The following DACH2 variants were observed in gnomAD, a reference collection of about 807,000 sequenced individuals.
DACH2 encodes the protein dachshund family transcription factor 2.
Under a neutral mutation model 35.8 loss-of-function variants are expected in DACH2, and 17 were observed. The observed-to-expected ratio is 0.48, with a 90% CI of 0.33 to 0.71. The LOEUF (loss-of-function observed/expected upper bound fraction) is 0.71. Ranked by LOEUF, DACH2 falls within the 30% of genes least tolerant of loss-of-function variation. DACH2 has a pLI of 0.02. For synonymous variants in DACH2, 195 were observed against 177.3 expected (o/e 1.10, Z -0.79); for missense variants, 469 against 472.7 (o/e 0.99, Z 0.07).
chrX:86,386,215 A>G (rs2036120063), intron 2 of DACH2, among the ~76,000 whole-genome samples: 1 of 111,294 alleles, frequency 9.0e-6, no homozygotes, highest in African/African-American at 3.3e-5. Flanking sequence ...GTGGTCAGGT[A>G]TTTGTAGGAT....
chrX:86,517,267 T>C (rs982786111), intron 3 of DACH2, among the ~76,000 whole-genome samples: 10 of 111,846 alleles, frequency 8.9e-5, no homozygotes, highest in African/African-American at 3.3e-4. Flanking sequence ...TGGTATTTCA[T>C]TGTGGTTTTG....
chrX:86,335,706 T>C (rs925438727), intron 1 of DACH2, among the ~76,000 whole-genome samples: 1 of 111,947 alleles, frequency 8.9e-6, no homozygotes. Flanking sequence ...AGAGACAATT[T>C]GACTTCCTCT....
chrX:86,814,687 G>A lies in DACH2; in HGVS notation c.1538-1G>A, dbSNP rs1259640542. On this transcript the variant is annotated splice_acceptor_variant, in intron 9 of 11. Coordinates refer to ENST00000373125, the MANE Select transcript of DACH2 (RefSeq NM_053281.3). LOFTEE classifies it high-confidence loss of function. The stretch of plus-strand genomic sequence containing the variant: ...TTTGCAAACTACCTTTTACATTTCA[G>A]CTACTATGCAAAAGCGCCTGAAGAA... 1.7e-6 allele frequency: 2 copies of A among 1,209,706 alleles called. No individual in the cohort carries two copies. Among genetic ancestry groups the A allele is most frequent in the Non-Finnish European group, 2.2e-6 (2 of 894,540 alleles).
intron 2 of DACH2, among the ~76,000 whole-genome samples, chrX:86,482,680 A>G (rs1018524417): frequency 2.8e-5 from 3 of 106,890 alleles, no homozygotes; most frequent in Admixed American, 2.0e-4. Context: ...CTATTTCTCC[A>G]CATGCTCTCC....
intron 1 of DACH2, among the ~76,000 whole-genome samples, chrX:86,292,862 G>A (rs1389529700): frequency 9.3e-6 from 1 of 107,789 alleles, no homozygotes; most frequent in Admixed American, 1.0e-4. Context: ...GGTCAATTTT[G>A]GAATAGGTGT....
intron 2 of DACH2, among the ~76,000 whole-genome samples, chrX:86,430,236 G>A (rs2036963904): frequency 8.9e-6 from 1 of 111,952 alleles, no homozygotes. Context: ...AACATGATAG[G>A]CACTAGGTGC....
intron 1 of DACH2, among the ~76,000 whole-genome samples, chrX:86,362,780 A>G (rs1261296891): frequency 9.0e-6 from 1 of 111,535 alleles, no homozygotes. Context: ...TAGTAGCTCT[A>G]AAATATTGTA....
intron 1 of DACH2, among the ~76,000 whole-genome samples, chrX:86,179,571 A>C (rs2031409296): frequency 8.9e-6 from 1 of 112,045 alleles, no homozygotes; most frequent in Non-Finnish European, 1.9e-5. Context: ...CATATACCTG[A>C]CACATGTCAT....
At chrX:86,813,078 ATAAAT>A in intron 8 of DACH2, 47 bp from the exon 9 acceptor site, 1 of 1,162,062 alleles carries the variant, frequency 8.6e-7, no homozygotes, top group Non-Finnish European at 1.1e-6. Context: ...TTTATATTTG[ATAAAT>A]TAAAACAGAT....
chrX:86,798,124 G>C (rs1490673419), intron 7 of DACH2, among the ~76,000 whole-genome samples: 1 of 111,936 alleles, frequency 8.9e-6, no homozygotes, highest in Non-Finnish European at 1.9e-5. Context: ...CTCAGAAGTT[G>C]GGGAGAAAAG....
chrX:86,201,384 C>T (rs2032152556), intron 1 of DACH2, among the ~76,000 whole-genome samples: 1 of 110,427 alleles, frequency 9.1e-6, no homozygotes, highest in Non-Finnish European at 1.9e-5. Context: ...AGCACACCCC[C>T]ATGACACAAG....
chrX:86,437,266 G>A (rs990924684), intron 2 of DACH2, among the ~76,000 whole-genome samples: 1 of 111,053 alleles, frequency 9.0e-6, no homozygotes, highest in Non-Finnish European at 1.9e-5. Context: ...TCCCCACATC[G>A]GTATTTATTA....
intron 3 of DACH2, among the ~76,000 whole-genome samples, chrX:86,554,756 G>C (rs1400757765): frequency 9.0e-6 from 1 of 111,497 alleles, no homozygotes; most frequent in Non-Finnish European, 1.9e-5. Flanking sequence ...GTAACATGTA[G>C]ATAGTCATGC....
At chrX:86,254,807 T>TATATATATAGAGAGAGAG (rs1380613474) in intron 1 of DACH2, among the ~76,000 whole-genome samples, 3 of 49,654 alleles carry the variant, frequency 6.0e-5, no homozygotes, top group East Asian at 8.3e-4. Flanking sequence ...TATATATATA[T>TATATATATAGAGAGAGAG]AGAGAGAGAG....
At chrX:86,289,192 C>T (rs757856546) in intron 1 of DACH2, among the ~76,000 whole-genome samples, 1 of 107,972 alleles carries the variant, frequency 9.3e-6, no homozygotes, top group Non-Finnish European at 1.9e-5. Context: ...GAGGAAGGTC[C>T]TGGAAAGGGT....
intron 2 of DACH2, among the ~76,000 whole-genome samples, chrX:86,381,989 C>T (rs1156038): frequency 0.046 from 5,063 of 110,601 alleles, 148 homozygotes; most frequent in East Asian, 0.21. Context: ...TTTCAAGCTC[C>T]TTTTATGCAC....
intron 6 of DACH2, among the ~76,000 whole-genome samples, chrX:86,735,353 A>T (rs1480449039): frequency 8.9e-6 from 1 of 111,757 alleles, no homozygotes; most frequent in Non-Finnish European, 1.9e-5. Flanking sequence ...AGCCAAATTG[A>T]CTGTGTTAAA....
chrX:86,164,868 G>A (rs2030887911), intron 1 of DACH2, among the ~76,000 whole-genome samples: 1 of 111,345 alleles, frequency 9.0e-6, no homozygotes, highest in Admixed American at 9.6e-5. Flanking sequence ...TGGGTAATGT[G>A]ATGCCTCCGG....
chrX:86,182,773 G>A (rs242866), intron 1 of DACH2, among the ~76,000 whole-genome samples: 1 of 103,394 alleles, frequency 9.7e-6, no homozygotes, highest in Non-Finnish European at 2.0e-5. Flanking sequence ...GGTCAGTATG[G>A]CCATTTTCAC....
Sources: gnomAD v4.1 joint callset for allele counts (sites outside exome capture counted in the v4.1 genomes callset) on GRCh38, gnomAD v4.1.1 for gene constraint, MANE v1.5 for transcripts, NCBI Gene and HGNC (gene_info 2026-07-23, HGNC 2026-07-21) for gene names.